Variants in CDC37 observed in about 807,000 individuals in gnomAD.
CDC37 encodes hsp90 co-chaperone Cdc37.
In CDC37, 9 loss-of-function variants were observed where a neutral mutation model predicts 46.9. That is an observed-to-expected ratio of 0.19 (90% CI 0.12 to 0.33). CDC37 has a LOEUF of 0.33. Ranked by LOEUF, CDC37 falls within the 10% of genes least tolerant of loss-of-function variation. The pLI, the probability that CDC37 is intolerant of heterozygous loss-of-function variation, is 1.00. For synonymous variants in CDC37, 193 were observed against 191.0 expected (o/e 1.01, Z -0.09); for missense variants, 388 against 514.6 (o/e 0.75, Z 2.38).
At chr19:10,395,866 C>T (rs2042488060) in intron 2 of CDC37, 62 bp downstream of exon 2, 3 of 1,566,752 alleles carry the variant, frequency 1.9e-6, no homozygotes, top group Admixed American at 1.7e-5. Flanking sequence ...GGTGCGCATG[C>T]GTCCTGGTTG....
chr19:10,403,267 G>C (rs905505118), intron 1 of CDC37, 111 bp downstream of exon 1: 1 of 769,484 alleles, frequency 1.3e-6, no homozygotes. Context: ...AATCCAGACT[G>C]GGGGGGTGAG....
At chr19:10,397,914 G>A (rs891847063) in intron 1 of CDC37, among the ~76,000 whole-genome samples, 9 of 151,910 alleles carry the variant, frequency 5.9e-5, no homozygotes, top group African/African-American at 1.9e-4. Context: ...CCTGGTCCCC[G>A]CCTCACTCCC....
At position 10,396,198 on chromosome 19, in the gene CDC37, C is replaced by T. The variant is rs961461026; in HGVS notation, c.108G>A (p.Arg36=). 3 of 1,613,294 alleles carry T rather than the reference C, an allele frequency of 1.9e-6. No individual in the cohort carries two copies. Among genetic ancestry groups the T allele is most frequent in the Non-Finnish European group, 2.5e-6 (3 of 1,179,568 alleles). Residue 36 remains arginine (R), a synonymous_variant, in exon 2 of 8, where the codon CGG becomes CGA. Transcript: ENST00000222005. The surrounding 1 kb of genome is among the most constrained non-coding windows in gnomAD (Gnocchi z 5.9). ...TCTGGAACTGCTCCATGCGTTCCAC[C>T]CGGGCCTGCGGGCAGGGACGGCCTA... ...ASLFRWRHQA[R]VERMEQFQKE...
intron 1 of CDC37, among the ~76,000 whole-genome samples, chr19:10,397,601 G>A (rs556186248): frequency 6.6e-6 from 1 of 151,758 alleles, no homozygotes; most frequent in African/African-American, 2.4e-5. Flanking sequence ...ATAGAGACGG[G>A]GTTTCTCCAT....
intron 1 of CDC37, among the ~76,000 whole-genome samples, chr19:10,401,040 C>T (rs530398924): frequency 7.7e-4 from 118 of 152,330 alleles, no homozygotes; most frequent in Admixed American, 7.7e-3. Context: ...GTGAGTGATA[C>T]AGACAGAGCT....
rs932916227 is a variant in CDC37 at position 10,391,431 on chromosome 19, C to G, written c.*120G>C. ...GCCAGGGAGGGCTGGGCGGGCCCCC[C>G]AGGCTGGGCCGAGCAGCGCAAGTAG... On this transcript the variant is annotated 3_prime_UTR_variant, in exon 8 of 8. Coordinates refer to ENST00000222005, the MANE Select transcript of CDC37 (RefSeq NM_007065.4). The G allele has an allele frequency of 8.5e-6, 11 of 1,291,788 alleles. No homozygotes were observed. The highest frequency in any genetic ancestry group is 1.8e-5 in the Admixed American group (1 of 55,908). The allele number at this position is 1,291,788 out of a possible 1,614,324, so 80.0% of individuals were successfully genotyped here.
At chr19:10,395,365 G>C in intron 3 of CDC37, 22 bp from the exon 4 acceptor site, 6 of 1,610,996 alleles carry the variant, frequency 3.7e-6, no homozygotes, top group Non-Finnish European at 5.1e-6. Flanking sequence ...TGCTGGCAAG[G>C]TGCTGGAGGG....
chr19:10,403,218 A>G (rs1335310585), intron 1 of CDC37, among the ~76,000 whole-genome samples, 160 bp downstream of exon 1: 4 of 151,982 alleles, frequency 2.6e-5, no homozygotes, highest in East Asian at 3.9e-4. Context: ...CAGGGTCCCA[A>G]TGGTACTGGG....
At chr19:10,400,002 T>C (rs1404446240) in intron 1 of CDC37, among the ~76,000 whole-genome samples, 2 of 146,682 alleles carry the variant, frequency 1.4e-5, no homozygotes, top group African/African-American at 5.0e-5. Flanking sequence ...TGGGCCTGTG[T>C]CACCCTGGAG....
At chr19:10,392,803 A>C (rs1406157951) in intron 7 of CDC37, 3 of 518,118 alleles carry the variant, frequency 5.8e-6, no homozygotes, top group Non-Finnish European at 1.0e-5. Context: ...GCTGATATTG[A>C]GAGAAAATGT....
At position 10,391,305 on chromosome 19, in the gene CDC37, C is replaced by G. The variant is rs1374410500; in HGVS notation, c.*246G>C. ...TGACCTCTGCCCTTCCCCGGACCCC[C>G]GGGCCTTTGGCATAATGCTGATGGG... On this transcript the variant is annotated 3_prime_UTR_variant, in exon 8 of 8. Coordinates refer to ENST00000222005, the MANE Select transcript of CDC37 (RefSeq NM_007065.4). 9.5e-6 allele frequency: 5 copies of G among 525,372 alleles called. No individual in the cohort carries two copies. Among genetic ancestry groups the G allele is most frequent in the Non-Finnish European group, 1.7e-5 (5 of 292,412 alleles). The allele number at this position is 525,372 out of a possible 1,614,324, so 32.5% of individuals were successfully genotyped here. A position where few individuals can be genotyped will look rare whatever the true frequency, so the allele number is the denominator to read the frequency against.
chr19:10,392,894 T>C (rs1295359693), intron 7 of CDC37, 192 bp downstream of exon 7: 1 of 606,014 alleles, frequency 1.7e-6, no homozygotes, highest in East Asian at 2.7e-5. Flanking sequence ...AAGCTCAGCA[T>C]TTATCTGCTG....
chr19:10,402,763 G>C (rs1371842269), intron 1 of CDC37, among the ~76,000 whole-genome samples: 1 of 152,152 alleles, frequency 6.6e-6, no homozygotes. Context: ...GGATCCTGAA[G>C]GGGGACGGTT....
chr19:10,395,198 T>C (rs754888704), intron 4 of CDC37, 30 bp downstream of exon 4: 5 of 1,613,662 alleles, frequency 3.1e-6, no homozygotes, highest in Non-Finnish European at 4.2e-6. Context: ...GGCAGCGCCT[T>C]TTCACAGTCC....
At chr19:10,395,388 A>G in intron 3 of CDC37, 45 bp from the exon 4 acceptor site, 1 of 1,604,326 alleles carries the variant, frequency 6.2e-7, no homozygotes, top group Non-Finnish European at 8.5e-7. Flanking sequence ...CTGGAGGCAA[A>G]GGGCCTGCCT....
At position 10,403,518 on chromosome 19, in the gene CDC37, G is replaced by C. The variant is rs373952957; in HGVS notation, c.-39C>G. 3 of 1,502,178 alleles carry C rather than the reference G, an allele frequency of 2.0e-6. No individual in the cohort carries two copies. The highest frequency in any genetic ancestry group is 1.7e-5 in the Admixed American group (1 of 58,542). The allele number at this position is 1,502,178 out of a possible 1,614,324, so 93.1% of individuals were successfully genotyped here. ...CCCAGCCCGCTCCGGCTCGGGTGGC[G>C]GCGACGGCGGCAGCAGTGGAGACTA... is the stretch of plus-strand genomic sequence containing the variant. On this transcript the variant is annotated 5_prime_UTR_variant, in exon 1 of 8. Coordinates refer to ENST00000222005, the MANE Select transcript of CDC37 (RefSeq NM_007065.4).
chr19:10,396,229 T>C lies in CDC37; in HGVS notation c.103-26A>G. ...CTGCGGGCAGGGACGGCCTATCAACTCTGGGGAGTCGTCTGTCCCTTACCC... is the reference window on the plus strand; with the variant it reads ...CTGCGGGCAGGGACGGCCTATCAACCCTGGGGAGTCGTCTGTCCCTTACCC... On this transcript the variant is annotated intron_variant, in intron 1 of 7. Coordinates refer to ENST00000222005, the MANE Select transcript of CDC37 (RefSeq NM_007065.4). The surrounding 1 kb of genome is among the most constrained non-coding windows in gnomAD (Gnocchi z 5.9). 6.2e-7 allele frequency: 1 copy of C among 1,604,212 alleles called. No individual in the cohort carries two copies. Among genetic ancestry groups the C allele is most frequent in the Non-Finnish European group, 8.5e-7 (1 of 1,174,440 alleles).
intron 1 of CDC37, among the ~76,000 whole-genome samples, chr19:10,397,415 CTTTTTTTT>C (rs933052804): frequency 4.6e-5 from 4 of 86,832 alleles, no homozygotes; most frequent in Non-Finnish European, 8.6e-5. Flanking sequence ...CCAAGCCTGG[CTTTTTTTT>C]TTTTTTTTTT....
Position 10,393,206 on chromosome 19 carries a change from G to C in CDC37, c.910-49C>G, listed in dbSNP as rs547194469. 1.6e-5 allele frequency: 26 copies of C among 1,610,572 alleles called. No homozygotes were observed. The South Asian group carries it at 2.7e-4, about 17-fold the overall frequency. On this transcript the variant is annotated intron_variant, in intron 6 of 7. Transcript: ENST00000222005. This position sits in a 1 kb window ranked among gnomAD's most constrained non-coding sequence, Gnocchi z 4.9. ...TCAGGGGCTGGGTCCCTGTGGCCCTGGGGGGTCCCGCTCAGGGTCTTCCTG... is the reference window on the plus strand; with the variant it reads ...TCAGGGGCTGGGTCCCTGTGGCCCTCGGGGGTCCCGCTCAGGGTCTTCCTG...
Sources: allele counts gnomAD v4.1 joint callset (sites outside exome capture counted in the v4.1 genomes callset), GRCh38; gene constraint gnomAD v4.1.1; non-coding constraint Gnocchi (gnomAD v3.1); transcripts MANE v1.5; gene names NCBI Gene and HGNC (gene_info 2026-07-23, HGNC 2026-07-21).